The following GPBP1 variants were observed in gnomAD, a reference collection of about 807,000 sequenced individuals.
GPBP1 encodes GC-rich promoter binding protein 1, also known as vasculin.
A neutral mutation model predicts 56.5 loss-of-function variants in GPBP1; 13 were observed. That is an observed-to-expected ratio of 0.23 (90% CI 0.15 to 0.37). The LOEUF (loss-of-function observed/expected upper bound fraction) is 0.37. Among genes scored for constraint, GPBP1 ranks in the 10% least tolerant of loss-of-function variants. GPBP1 has a pLI of 1.00. For missense variants in GPBP1, 477 were observed against 572.3 expected (o/e 0.83, Z 1.70); for synonymous variants, 204 against 188.9 (o/e 1.08, Z -0.66).
chr5:57,256,640 A>G (rs751691625), intron 10 of GPBP1, among the ~76,000 whole-genome samples: 1 of 152,172 alleles, frequency 6.6e-6, no homozygotes, highest in Non-Finnish European at 1.5e-5. Context: ...AAAATTGTGG[A>G]TTCAAGATTT....
chr5:57,260,834 A>G (rs187955792), intron 10 of GPBP1, among the ~76,000 whole-genome samples: 12 of 152,304 alleles, frequency 7.9e-5, no homozygotes, highest in Admixed American at 5.9e-4. Context: ...AGTCAGAAAT[A>G]TGGTGGTACT....
At chr5:57,185,863 A>C (rs1460839311) in intron 2 of GPBP1, among the ~76,000 whole-genome samples, 5 of 151,606 alleles carry the variant, frequency 3.3e-5, no homozygotes, top group Admixed American at 3.3e-4. Flanking sequence ...AGCCTGGCAC[A>C]GTGGCGTGCC....
intron 2 of GPBP1, among the ~76,000 whole-genome samples, chr5:57,209,618 T>TA (rs1354404680): frequency 6.9e-6 from 1 of 144,402 alleles, no homozygotes; most frequent in Non-Finnish European, 1.6e-5. Context: ...TGATGTGCTG[T>TA]GGTTTTTTTT....
intron 2 of GPBP1, among the ~76,000 whole-genome samples, chr5:57,201,063 A>T (rs541187201): frequency 6.6e-6 from 1 of 152,004 alleles, no homozygotes; most frequent in African/African-American, 2.4e-5. Context: ...ATCTCGGGTA[A>T]TCTGCCCTCC....
At chr5:57,177,010 A>G (rs1479632155) in intron 2 of GPBP1, among the ~76,000 whole-genome samples, 2 of 152,204 alleles carry the variant, frequency 1.3e-5, no homozygotes, top group Non-Finnish European at 2.9e-5. Flanking sequence ...TTGTATTTCA[A>G]ATTATTTCTT....
At chr5:57,226,405 A>G (rs548698305) in intron 3 of GPBP1, among the ~76,000 whole-genome samples, 1 of 152,250 alleles carries the variant, frequency 6.6e-6, no homozygotes, top group African/African-American at 2.4e-5. Flanking sequence ...CAGTTAAATG[A>G]ATTTTGTTCT....
At chr5:57,257,030 TTTTG>T (rs1412421242) in intron 10 of GPBP1, among the ~76,000 whole-genome samples, 1 of 151,606 alleles carries the variant, frequency 6.6e-6, no homozygotes, top group Non-Finnish European at 1.5e-5. Context: ...CAGTGATAGT[TTTTG>T]TTTTTGTTTT....
At chr5:57,190,428 T>C (rs1754469834) in intron 2 of GPBP1, among the ~76,000 whole-genome samples, 1 of 151,872 alleles carries the variant, frequency 6.6e-6, no homozygotes, top group South Asian at 2.1e-4. Flanking sequence ...CTACTAAAAG[T>C]ATAAAAATTA....
rs1481329141 is a variant in GPBP1 at position 57,176,170 on chromosome 5, T to G, written c.-288T>G. The G allele has an allele frequency of 2.5e-6, 1 of 395,072 alleles. No homozygotes were observed. Among genetic ancestry groups the G allele is most frequent in the African/African-American group, 2.1e-5 (1 of 48,698 alleles). 24.5% of individuals were successfully genotyped at this position (395,072 alleles called of 1,614,324 possible). On this transcript the variant is annotated 5_prime_UTR_variant, in exon 2 of 12. Transcript: ENST00000506184. ...AAGTACATGGAATAATAAAGAAGAC[T>G]TTGATCTTAAATCTAAAGAACTTGG...
chr5:57,237,109 C>T (rs1267164220), intron 6 of GPBP1: 4 of 1,544,268 alleles, frequency 2.6e-6, no homozygotes, highest in Admixed American at 3.9e-5. Flanking sequence ...ACCACTCTCC[C>T]CAGGCCTACA....
chr5:57,222,869 G>A (rs970176973), intron 3 of GPBP1, among the ~76,000 whole-genome samples: 3 of 152,008 alleles, frequency 2.0e-5, no homozygotes, highest in African/African-American at 7.2e-5. Flanking sequence ...TCATTTTTAC[G>A]TTTTTGTGAA....
intron 6 of GPBP1, chr5:57,246,064 T>G: frequency 5.6e-6 from 2 of 358,704 alleles, no homozygotes; most frequent in Non-Finnish European, 1.0e-5. Flanking sequence ...TGTAGCAGAA[T>G]TTATCTGTAT....
At chr5:57,191,936 A>G (rs1323449840) in intron 2 of GPBP1, among the ~76,000 whole-genome samples, 2 of 152,360 alleles carry the variant, frequency 1.3e-5, no homozygotes, top group Non-Finnish European at 2.9e-5. Context: ...TGAGACCATG[A>G]TAGTTCATTT....
At chr5:57,212,672 C>CTTT (rs550327781) in intron 2 of GPBP1, among the ~76,000 whole-genome samples, 1 of 139,746 alleles carries the variant, frequency 7.2e-6, no homozygotes, top group South Asian at 2.2e-4. Flanking sequence ...TTCTTTTTTT[C>CTTT]TTTTTTTTTT....
chr5:57,219,594 G>C (rs181452816), intron 3 of GPBP1, among the ~76,000 whole-genome samples: 1 of 152,066 alleles, frequency 6.6e-6, no homozygotes, highest in African/African-American at 2.4e-5. Flanking sequence ...GAATTCCCCT[G>C]TACCGAGCTG....
intron 6 of GPBP1, 32 bp downstream of exon 6, chr5:57,236,064 A>T (rs1424556017): frequency 7.4e-7 from 1 of 1,346,872 alleles, no homozygotes; most frequent in Non-Finnish European, 1.1e-6. Context: ...TTTGAGGGGC[A>T]CAAAATGTTG....
intron 8 of GPBP1, 155 bp from the exon 9 acceptor site, chr5:57,249,253 GA>G (rs1326940847): frequency 3.9e-6 from 2 of 515,598 alleles, no homozygotes; most frequent in Non-Finnish European, 6.7e-6. Context: ...TTCAGTAGGG[GA>G]AAAAACAGGG....
At chr5:57,198,104 A>G (rs377307840) in intron 2 of GPBP1, among the ~76,000 whole-genome samples, 7 of 152,100 alleles carry the variant, frequency 4.6e-5, no homozygotes, top group South Asian at 4.2e-4. Context: ...TGTGCATTCA[A>G]ATTTTTCAGT....
At chr5:57,194,638 C>G (rs1222320111) in intron 2 of GPBP1, among the ~76,000 whole-genome samples, 1 of 152,096 alleles carries the variant, frequency 6.6e-6, no homozygotes, top group African/African-American at 2.4e-5. Flanking sequence ...TTTGTACCAA[C>G]TAACCTCCCG....
Sources: gnomAD v4.1 joint callset for allele counts (sites outside exome capture counted in the v4.1 genomes callset) on GRCh38, gnomAD v4.1.1 for gene constraint, MANE v1.5 for transcripts, NCBI Gene and HGNC (gene_info 2026-07-23, HGNC 2026-07-21) for gene names.